Variants in KIF21B observed in about 807,000 individuals in gnomAD.
KIF21B encodes kinesin family member 21B.
KIF21B carries 85 observed loss-of-function variants against 192.9 expected under a neutral mutation model. That is an observed-to-expected ratio of 0.44 (90% CI 0.37 to 0.53). KIF21B has a LOEUF of 0.53. Ranked by LOEUF, KIF21B falls within the 20% of genes least tolerant of loss-of-function variation. The pLI, the probability that KIF21B is intolerant of heterozygous loss-of-function variation, is 0.00. For missense variants in KIF21B, 1,716 were observed against 2,194.8 expected, an observed-to-expected ratio of 0.78 and a Z score of 4.36; for synonymous variants, 832 against 884.6, an observed-to-expected ratio of 0.94 and a Z score of 1.05.
chr1:200,998,297 C>T lies in KIF21B; in HGVS notation c.2077+87G>A, dbSNP rs1657203338. ...CCTTGCCTAGAAGGCCAGGATAACC[C>T]CAACACACCAGCTGCTTTTGACAGA... On this transcript the variant is annotated intron_variant, in intron 14 of 34. Coordinates refer to ENST00000461742, the MANE Select transcript of KIF21B (RefSeq NM_001252102.2). This position sits in a 1 kb window ranked among gnomAD's most constrained non-coding sequence, Gnocchi z 4.3. 2.9e-6 allele frequency: 4 copies of T among 1,359,038 alleles called. No individual in the cohort carries two copies. The Admixed American group carries it at 7.7e-5, about 26-fold the overall frequency. The allele number at this position is 1,359,038 out of a possible 1,614,324, so 84.2% of individuals were successfully genotyped here.
At chr1:201,001,840 G>A in intron 9 of KIF21B, 1 of 367,522 alleles carries the variant, frequency 2.7e-6, no homozygotes, top group Non-Finnish European at 5.0e-6. Flanking sequence ...AGAAAGGTGT[G>A]GGAAAATACA....
At position 201,000,819 on chromosome 1, in the gene KIF21B, G is replaced by A. The variant is rs1657449801; in HGVS notation, c.1403-39C>T. On this transcript the variant is annotated intron_variant, in intron 9 of 34. Coordinates refer to ENST00000461742, the MANE Select transcript of KIF21B (RefSeq NM_001252102.2). The surrounding 1 kb of genome is among the most constrained non-coding windows in gnomAD (Gnocchi z 6.0). Reference sequence around the variant, plus strand: ...GCGGGAAGAAGGGTGCGATAAAGAAGATAAATAGGCCAGCGCGGTGGCTCA... The same window carrying A: ...GCGGGAAGAAGGGTGCGATAAAGAAAATAAATAGGCCAGCGCGGTGGCTCA... The A allele has an allele frequency of 6.2e-7, 1 of 1,608,812 alleles. No homozygotes were observed. Among genetic ancestry groups the A allele is most frequent in the African/African-American group, 1.3e-5 (1 of 74,812 alleles).
Position 200,999,283 on chromosome 1 carries a change from C to T in KIF21B, c.1885+66G>A. Reference sequence around the variant, plus strand: ...ACCATTATCTTTGAGCAGGGCCCGACCCCACACTTGGGCACTGGCAGCCAG... The same window carrying T: ...ACCATTATCTTTGAGCAGGGCCCGATCCCACACTTGGGCACTGGCAGCCAG... On this transcript the variant is annotated intron_variant, in intron 13 of 34. Coordinates refer to ENST00000461742, the MANE Select transcript of KIF21B (RefSeq NM_001252102.2). This position sits in a 1 kb window ranked among gnomAD's most constrained non-coding sequence, Gnocchi z 4.7. The T allele has an allele frequency of 1.3e-6, 2 of 1,599,922 alleles. No homozygotes were observed. Among genetic ancestry groups the T allele is most frequent in the Middle Eastern group, 1.7e-4 (1 of 6,032 alleles).
rs569693933 is a variant in KIF21B, at chr1:201,008,763, C to T, written c.447+6G>A. ...CCCACCTGCCCACCCTATGGGGCCA[C>T]AGTACCTCCAGAAACTGGGCGCTGA... On this transcript the variant is annotated splice_donor_region_variant and intron_variant, in intron 3 of 34. Coordinates refer to ENST00000461742, the MANE Select transcript of KIF21B (RefSeq NM_001252102.2). The T allele has an allele frequency of 6.3e-7, 1 of 1,590,536 alleles. No individual in the cohort carries two copies. The highest frequency in any genetic ancestry group is 8.5e-7 in the Non-Finnish European group (1 of 1,174,246).
rs993947118 is a variant in KIF21B at position 200,973,584 on chromosome 1, G to T, written c.4815-6C>A. The T allele has an allele frequency of 7.9e-6, 12 of 1,521,024 alleles. No individual in the cohort carries two copies. In the African/African-American group the frequency reaches 1.4e-4, roughly 18 times the overall value. 94.2% of individuals were successfully genotyped at this position (1,521,024 alleles called of 1,614,324 possible). ...AGAACTTCACCGTCAGGTCACTGGG[G>T]TGGAGGACAAAGTGGAGGGGTGCCG... is the stretch of plus-strand genomic sequence containing the variant. On this transcript the variant is annotated splice_polypyrimidine_tract_variant and splice_region_variant and intron_variant, in intron 34 of 34. Transcript: ENST00000461742.
At position 201,020,808 on chromosome 1, in the gene KIF21B, T is replaced by TACACACACACACACACAC. The variant is rs60686711; in HGVS notation, c.41+2517_41+2534dup. Among the ~76,000 whole-genome samples the TACACACACACACACACAC allele has an allele frequency of 8.4e-3, 1,204 of 142,874 alleles. 22 individuals are homozygous for TACACACACACACACACAC. Among genetic ancestry groups the TACACACACACACACACAC allele is most frequent in the African/African-American group, 0.026 (966 of 37,188 alleles). The allele number at this position is 142,874 out of a possible 152,430, so 93.7% of individuals were successfully genotyped here. On this transcript the variant is annotated intron_variant, in intron 1 of 34. Coordinates refer to ENST00000461742, the MANE Select transcript of KIF21B (RefSeq NM_001252102.2). ...TAATAGCCCTGGGACCTCTCTCCTC[T>TACACACACACACACACAC]ACACACACACACACACACACACACA...
chr1:200,981,121 G>T, intron 28 of KIF21B, 25 bp from the exon 29 acceptor site: 1 of 1,570,310 alleles, frequency 6.4e-7, no homozygotes, highest in Non-Finnish European at 8.6e-7. Context: ...GGGAGAGAAG[G>T]CATGCTCGTC....
In KIF21B at chr1:200,978,004, G is replaced by A. The variant is rs191197214; in HGVS notation, c.4161-628C>T. Among the ~76,000 whole-genome samples the A allele has an allele frequency of 3.3e-3, 497 of 151,904 alleles. 16 individuals carry two copies. The highest frequency in any genetic ancestry group is 0.031 in the Admixed American group (470 of 15,240). On this transcript the variant is annotated intron_variant, in intron 30 of 34. Transcript: ENST00000461742. Reference sequence around the variant, plus strand: ...CTGCCTCAGCCTCCCAAAGTGCTGGGATTACAGGCGTGAGCCACTGCACCC... The same window carrying A: ...CTGCCTCAGCCTCCCAAAGTGCTGGAATTACAGGCGTGAGCCACTGCACCC...
In KIF21B at chr1:200,970,386, C is replaced by T. The variant is rs1283346707; in HGVS notation, c.*3135G>A. The T allele has an allele frequency of 6.5e-6, 1 of 152,744 alleles. No homozygotes were observed. The allele number at this position is 152,744 out of a possible 1,614,324, so 9.5% of individuals were successfully genotyped here. ...ATCCAGGGTGAGGCCACTCCCAGAC[C>T]CACCGCTGTCCCTTCCCAAGGGGCT... On this transcript the variant is annotated 3_prime_UTR_variant, in exon 35 of 35. Transcript: ENST00000461742.
In KIF21B at chr1:201,000,554, T is replaced by A; in HGVS notation, c.1521A>T (p.Ser507=). 6.2e-7 allele frequency: 1 copy of A among 1,613,036 alleles called. No individual in the cohort carries two copies. The highest frequency in any genetic ancestry group is 8.5e-7 in the Non-Finnish European group (1 of 1,179,558). ...AMNESLRRSL[S]RASARSPYSL... ...AGTAGGGGCTCCTAGCCGAGGCCCG[T>A]GAGAGGCTGCGGCGCAGGGACTCGT... The change falls in exon 11 of 35, where the codon TCA becomes TCT. Residue 507 remains serine, a synonymous_variant. Transcript: ENST00000461742. The surrounding 1 kb of genome is among the most constrained non-coding windows in gnomAD (Gnocchi z 6.0).
chr1:200,991,787 T>C (rs12142447), intron 16 of KIF21B, 62 bp from the exon 17 acceptor site: 300,040 of 1,547,088 alleles, frequency 0.19, 32,201 homozygotes, highest in African/African-American at 0.43. Context: ...TCTGTCTGTG[T>C]ACAGGCTGGC....
chr1:200,975,810 A>T lies in KIF21B; in HGVS notation c.4444-141T>A. 1 of 801,520 alleles carries T rather than the reference A, an allele frequency of 1.2e-6. No homozygotes were observed. Among genetic ancestry groups the T allele is most frequent in the South Asian group, 1.9e-5 (1 of 51,338 alleles). 49.7% of individuals were successfully genotyped at this position (801,520 alleles called of 1,614,324 possible). ...TGCCCTCTGGGGAGAGGAGCTTCCCAGCAGGCGAGGGTTCCTGGAGGTGGG... is the reference window on the plus strand; with the variant it reads ...TGCCCTCTGGGGAGAGGAGCTTCCCTGCAGGCGAGGGTTCCTGGAGGTGGG... On this transcript the variant is annotated intron_variant, in intron 32 of 34. Transcript: ENST00000461742. This position sits in a 1 kb window ranked among gnomAD's most constrained non-coding sequence, Gnocchi z 4.3.
chr1:200,999,856 T>C lies in KIF21B; in HGVS notation c.1767+27A>G, dbSNP rs1286171140. 12 of 1,610,398 alleles carry C rather than the reference T, an allele frequency of 7.5e-6. No homozygotes were observed. Among genetic ancestry groups the C allele is most frequent in the Non-Finnish European group, 1.0e-5 (12 of 1,178,204 alleles). On this transcript the variant is annotated intron_variant, in intron 12 of 34. Transcript: ENST00000461742. This position sits in a 1 kb window ranked among gnomAD's most constrained non-coding sequence, Gnocchi z 4.7. ...GCAGGGACACAAGGCATGCATGTGG[T>C]GAGGTGGGGCGGCCCGTGCTCCTCA...
rs934610713 is a variant in KIF21B, at chr1:200,982,462, G to A, written c.3842+594C>T. ...CTCCTCGTTGTGCGGTGTCATGCTCGGCTGGCTGGGAGAACCAGCCTCCAG... is the reference window on the plus strand; with the variant it reads ...CTCCTCGTTGTGCGGTGTCATGCTCAGCTGGCTGGGAGAACCAGCCTCCAG... On this transcript the variant is annotated intron_variant, in intron 28 of 34. Transcript: ENST00000461742. This position sits in a 1 kb window ranked among gnomAD's most constrained non-coding sequence, Gnocchi z 4.7. Among the ~76,000 whole-genome samples, 4 of 152,132 alleles carry A rather than the reference G, an allele frequency of 2.6e-5. No individual in the cohort carries two copies. The highest frequency in any genetic ancestry group is 9.7e-5 in the African/African-American group (4 of 41,430).
chr1:200,975,684 G>A lies in KIF21B; in HGVS notation c.4444-15C>T. On this transcript the variant is annotated splice_polypyrimidine_tract_variant and intron_variant, in intron 32 of 34. Transcript: ENST00000461742. The surrounding 1 kb of genome is among the most constrained non-coding windows in gnomAD (Gnocchi z 4.3). ...AGCTCGAACATCTGTGGGAGGAGGG[G>A]CCAGTAGGGAGAGGCCAAGTGGGAG... 6.3e-7 allele frequency: 1 copy of A among 1,597,750 alleles called. No individual in the cohort carries two copies. The highest frequency in any genetic ancestry group is 1.1e-5 in the South Asian group (1 of 89,262).
intron 14 of KIF21B, among the ~76,000 whole-genome samples, chr1:200,996,922 C>T (rs913269770): frequency 7.2e-5 from 11 of 152,208 alleles, no homozygotes; most frequent in African/African-American, 2.2e-4. Context: ...CAGCATCACG[C>T]TCCTTCCAGA....
chr1:200,973,940 C>T, intron 34 of KIF21B: 2 of 1,526,006 alleles, frequency 1.3e-6, no homozygotes, highest in Non-Finnish European at 1.8e-6. Flanking sequence ...ACAGGCAGGG[C>T]ACCTCTCTAG....
Position 201,008,923 on chromosome 1 carries a change from C to T in KIF21B, c.293G>A (p.Gly98Asp). The T allele has an allele frequency of 1.2e-6, 2 of 1,611,406 alleles. No individual in the cohort carries two copies. The highest frequency in any genetic ancestry group is 8.5e-7 in the Non-Finnish European group (1 of 1,179,916). ...QTGAGKTYTM[G>D]TGFDMATSEE... ...CGACGTTGCCATGTCAAAGCCAGTG[C>T]CCATGGTGTACGTCTTCCCGGCCCC... The change falls in exon 3 of 35, where the codon GGC (glycine) becomes GAC (aspartate). Residue 98 changes from glycine (G) to aspartate (D), a missense_variant. By Grantham distance (94) the Gly-to-Asp change is moderately conservative. Coordinates refer to ENST00000461742, the MANE Select transcript of KIF21B (RefSeq NM_001252102.2).
At position 201,008,887 on chromosome 1, in the gene KIF21B, T is replaced by A; in HGVS notation, c.329A>T (p.Gln110Leu). 2 of 1,611,892 alleles carry A rather than the reference T, an allele frequency of 1.2e-6. No homozygotes were observed. The highest frequency in any genetic ancestry group is 1.7e-6 in the Non-Finnish European group (2 of 1,180,004). The stretch of plus-strand genomic sequence containing the variant: ...TGCGATGGCCCTCGGGATGATGCCC[T>A]GCTCCTCCTCCGACGTTGCCATGTC... ...GFDMATSEEE[Q>L]GIIPRAIAHL... Residue 110 changes from glutamine to leucine, a missense_variant, in exon 3 of 35, where the codon CAG (glutamine) becomes CTG (leucine). Transcript: ENST00000461742.
Sources: allele counts gnomAD v4.1 joint callset (sites outside exome capture counted in the v4.1 genomes callset), GRCh38; gene constraint gnomAD v4.1.1; non-coding constraint Gnocchi (gnomAD v3.1); transcripts MANE v1.5; gene names NCBI Gene and HGNC (gene_info 2026-07-23, HGNC 2026-07-21).